COA8: variants seen among roughly 807,000 people sequenced by gnomAD.
COA8 encodes the protein cytochrome c oxidase assembly factor 8.
In COA8, 20 loss-of-function variants were observed where a neutral mutation model predicts 22.0. The observed-to-expected ratio is 0.91, with a 90% CI of 0.64 to 1.32. The LOEUF is 1.32. Among genes scored for constraint, COA8 ranks in the 40% most tolerant of loss-of-function variants. The probability of loss-of-function intolerance (pLI) is 0.00; values close to 1 mark genes in which losing one functional copy is unlikely to be tolerated. For synonymous variants in COA8, 105 were observed against 79.9 expected, an observed-to-expected ratio of 1.31 and a Z score of -1.68; for missense variants, 266 against 230.0, an observed-to-expected ratio of 1.16 and a Z score of -1.01.
At chr14:103,574,279 T>C (rs2076214354) in intron 3 of COA8, 109 bp downstream of exon 3, 1 of 1,454,670 alleles carries the variant, frequency 6.9e-7, no homozygotes, top group Non-Finnish European at 9.6e-7. Flanking sequence ...GGGCGGTCCT[T>C]GGCCTGCTTT....
At chr14:103,586,200 CTTTT>C (rs71126040) in intron 3 of COA8, among the ~76,000 whole-genome samples, 11 of 92,694 alleles carry the variant, frequency 1.2e-4, no homozygotes, top group Admixed American at 2.8e-4. Flanking sequence ...TGCACCTGGC[CTTTT>C]TTTTTTTTTT....
Position 103,581,208 on chromosome 14 carries a change from C to A in COA8, c.386-6066C>A, listed in dbSNP as rs984336897. 3.3e-5 allele frequency among the ~76,000 whole-genome samples: 5 copies of A among 152,212 alleles called. No individual in the cohort carries two copies. The highest frequency in any genetic ancestry group is 1.2e-4 in the African/African-American group (5 of 41,532). On this transcript the variant is annotated intron_variant, in intron 3 of 4. Transcript: ENST00000409074. This position sits in a 1 kb window ranked among gnomAD's most constrained non-coding sequence, Gnocchi z 4.1. ...CCAAGGGACAACTTTTCATTTTTAGCTATGATAAAGTTTATAAATTAGGCA... is the reference window on the plus strand; with the variant it reads ...CCAAGGGACAACTTTTCATTTTTAGATATGATAAAGTTTATAAATTAGGCA...
At position 103,566,376 on chromosome 14, in the gene COA8, C is replaced by T. The variant is rs567538797; in HGVS notation, c.123+3252C>T. 3.9e-5 allele frequency among the ~76,000 whole-genome samples: 6 copies of T among 152,228 alleles called. No homozygotes were observed. The East Asian group carries it at 5.8e-4, about 15-fold the overall frequency. On this transcript the variant is annotated intron_variant, in intron 1 of 4. Coordinates refer to ENST00000409074, the MANE Select transcript of COA8 (RefSeq NM_001370595.2). ...CAGAGGTTGCAGTGAGCCGAGATCG[C>T]GCCATTGCACTCCAGCCTGGGCGAT...
rs1210288487 is a variant in COA8 at position 103,581,451 on chromosome 14, C to T, written c.386-5823C>T. The T allele has an allele frequency of 1.0e-5, 4 of 392,066 alleles. No individual in the cohort carries two copies. Among genetic ancestry groups the T allele is most frequent in the South Asian group, 1.4e-4 (1 of 6,940 alleles). The allele number at this position is 392,066 out of a possible 1,614,324, so 24.3% of individuals were successfully genotyped here. A position where few individuals can be genotyped will look rare whatever the true frequency, so the allele number is the denominator to read the frequency against. On this transcript the variant is annotated intron_variant, in intron 3 of 4. Transcript: ENST00000409074. This position sits in a 1 kb window ranked among gnomAD's most constrained non-coding sequence, Gnocchi z 4.1. The stretch of plus-strand genomic sequence containing the variant: ...GGAGGTGCTGGACAGAGGGAGGAGT[C>T]GCCTCCTGGGCTGGTCGGAGTAGGA...
intron 1 of COA8, among the ~76,000 whole-genome samples, chr14:103,568,621 G>GTGTATATATA (rs1232366571): frequency 1.4e-5 from 2 of 141,850 alleles, no homozygotes; most frequent in African/African-American, 5.3e-5. Context: ...ATGTGTGTGT[G>GTGTATATATA]TATATATATA....
Position 103,590,670 on chromosome 14 carries a change from T to A in COA8, c.*384T>A. On this transcript the variant is annotated 3_prime_UTR_variant, in exon 5 of 5. Transcript: ENST00000409074. Reference sequence around the variant, plus strand: ...ATCACTTGAGATCAGGAGTTCAAGATCAGTCTGGACAACATGGCAAAACCC... The same window carrying A: ...ATCACTTGAGATCAGGAGTTCAAGAACAGTCTGGACAACATGGCAAAACCC... The A allele has an allele frequency of 5.6e-6, 1 of 178,770 alleles. No individual in the cohort carries two copies. Among genetic ancestry groups the A allele is most frequent in the Non-Finnish European group, 1.2e-5 (1 of 84,718 alleles). The allele number at this position is 178,770 out of a possible 1,614,324, so 11.1% of individuals were successfully genotyped here.
rs1343970302 is a variant in COA8 at position 103,590,398 on chromosome 14, C to G, written c.*112C>G. 1.8e-6 allele frequency: 2 copies of G among 1,096,414 alleles called. No individual in the cohort carries two copies. Among genetic ancestry groups the G allele is most frequent in the Admixed American group, 2.5e-5 (1 of 39,374 alleles). 67.9% of individuals were successfully genotyped at this position (1,096,414 alleles called of 1,614,324 possible). A position where few individuals can be genotyped will look rare whatever the true frequency, so the allele number is the denominator to read the frequency against. On this transcript the variant is annotated 3_prime_UTR_variant, in exon 5 of 5. Coordinates refer to ENST00000409074, the MANE Select transcript of COA8 (RefSeq NM_001370595.2). ...TGATCTCAAGAAGCCCCACATCTTCCTAAGGGGCCCCATGGCCTGTTTGGG... is the reference window on the plus strand; with the variant it reads ...TGATCTCAAGAAGCCCCACATCTTCGTAAGGGGCCCCATGGCCTGTTTGGG...
At chr14:103,569,709 A>G (rs2076167297) in intron 1 of COA8, among the ~76,000 whole-genome samples, 1 of 152,152 alleles carries the variant, frequency 6.6e-6, no homozygotes, top group Non-Finnish European at 1.5e-5. Context: ...CTTTGGTGGG[A>G]CTCACCTTAG....
intron 3 of COA8, among the ~76,000 whole-genome samples, chr14:103,582,016 G>A (rs1045105369): frequency 5.3e-5 from 8 of 152,186 alleles, no homozygotes; most frequent in Non-Finnish European, 1.0e-4. Flanking sequence ...GGTGGTATGC[G>A]CTCTGCTGAA....
At chr14:103,570,118 A>G (rs1474205379) in intron 1 of COA8, among the ~76,000 whole-genome samples, 2 of 152,008 alleles carry the variant, frequency 1.3e-5, no homozygotes, top group South Asian at 2.1e-4. Context: ...CAGCCTCCCA[A>G]AGTGCTGGGA....
Position 103,581,611 on chromosome 14 carries a change from C to G in COA8, c.386-5663C>G, listed in dbSNP as rs2076267971. Reference sequence around the variant, plus strand: ...GTAACTGAAACCATGGAAAGAAAAACCATGGATGGAGGGGACAGCTGTGCT... The same window carrying G: ...GTAACTGAAACCATGGAAAGAAAAAGCATGGATGGAGGGGACAGCTGTGCT... On this transcript the variant is annotated intron_variant, in intron 3 of 4. Transcript: ENST00000409074. The surrounding 1 kb of genome is among the most constrained non-coding windows in gnomAD (Gnocchi z 4.1). 1 of 398,676 alleles carries G rather than the reference C, an allele frequency of 2.5e-6. No individual in the cohort carries two copies. The highest frequency in any genetic ancestry group is 2.1e-5 in the African/African-American group (1 of 48,632). The allele number at this position is 398,676 out of a possible 1,614,324, so 24.7% of individuals were successfully genotyped here. A position where few individuals can be genotyped will look rare whatever the true frequency, so the allele number is the denominator to read the frequency against.
intron 2 of COA8, 88 bp from the exon 3 acceptor site, chr14:103,574,019 C>T: frequency 6.9e-7 from 1 of 1,442,418 alleles, no homozygotes; most frequent in Non-Finnish European, 9.2e-7. Context: ...CTCCAGTACA[C>T]CGTGAGCTGT....
intron 4 of COA8, among the ~76,000 whole-genome samples, chr14:103,589,703 C>T (rs563702488): frequency 6.6e-6 from 1 of 151,498 alleles, no homozygotes; most frequent in Non-Finnish European, 1.5e-5. Flanking sequence ...GTCAGGAGAT[C>T]GAAACCATCC....
At chr14:103,587,742 C>T (rs1469814043) in intron 4 of COA8, among the ~76,000 whole-genome samples, 1 of 151,600 alleles carries the variant, frequency 6.6e-6, no homozygotes, top group African/African-American at 2.4e-5. Flanking sequence ...CTCCTGACCT[C>T]GTGATCCGCC....
intron 1 of COA8, among the ~76,000 whole-genome samples, chr14:103,566,161 C>A: frequency 6.6e-6 from 1 of 152,118 alleles, no homozygotes. Context: ...CATGGTGGCT[C>A]ACACCTTGCC....
In COA8 at chr14:103,563,021, G is replaced by A. The variant is rs1398826776; in HGVS notation, c.20G>A (p.Gly7Glu). The A allele has an allele frequency of 1.3e-6, 2 of 1,557,246 alleles. No individual in the cohort carries two copies. The highest frequency in any genetic ancestry group is 1.4e-5 in the African/African-American group (1 of 73,976). Reference sequence around the variant, plus strand: ...GGGGCCATGGTGGTCTTGCGGGCGGGGAAGAAGACCTTTCTCCCCCCTCTC... The same window carrying A: ...GGGGCCATGGTGGTCTTGCGGGCGGAGAAGAAGACCTTTCTCCCCCCTCTC... MVVLRA[G>E]KKTFLPPLCR... is the part of the protein sequence containing the mutation. The change falls in exon 1 of 5, where the codon GGG (glycine) becomes GAG (glutamate). Residue 7 changes from glycine to glutamate, a missense_variant. Transcript: ENST00000409074.
chr14:103,563,187 C>T (rs2076102155), intron 1 of COA8, 63 bp downstream of exon 1: 2 of 1,497,788 alleles, frequency 1.3e-6, no homozygotes, highest in South Asian at 1.2e-5. Context: ...CAAACCCGGG[C>T]CTCGGGGCCA....
At chr14:103,585,889 G>T (rs540237811) in intron 3 of COA8, among the ~76,000 whole-genome samples, 36 of 144,976 alleles carry the variant, frequency 2.5e-4, no homozygotes, top group African/African-American at 8.2e-4. Flanking sequence ...CTTTTTTGTT[G>T]TTTTTTGTTT....
chr14:103,571,733 A>G lies in COA8; in HGVS notation c.234A>G (p.Pro78=), dbSNP rs745613482. The G allele has an allele frequency of 5.0e-6, 8 of 1,614,214 alleles. No homozygotes were observed. The Admixed American group carries it at 6.7e-5, about 13-fold the overall frequency. The part of the protein sequence containing the change: ...VHFYIPENES[P]LEQKLRKLRQ... ...TTTACATACCTGAAAATGAATCTCC[A>G]TTGGAACAAAAGCTTAGAAAATTAA... The change falls in exon 2 of 5, where the codon CCA becomes CCG. Residue 78 remains proline, a synonymous_variant. Coordinates refer to ENST00000409074, the MANE Select transcript of COA8 (RefSeq NM_001370595.2).
Sources: gnomAD v4.1 joint callset for allele counts (sites outside exome capture counted in the v4.1 genomes callset) on GRCh38, gnomAD v4.1.1 for gene constraint, Gnocchi (gnomAD v3.1) non-coding constraint, MANE v1.5 for transcripts, NCBI Gene and HGNC (gene_info 2026-07-23, HGNC 2026-07-21) for gene names.